RECQL5: variants seen among roughly 807,000 people sequenced by gnomAD.
RECQL5 encodes the protein RecQ like helicase 5, also known as ATP-dependent DNA helicase Q5.
Under a neutral mutation model 103.4 loss-of-function variants are expected in RECQL5, and 88 were observed. The ratio of observed to expected loss-of-function variants is 0.85; its 90% CI spans 0.72 to 1.02. The LOEUF (loss-of-function observed/expected upper bound fraction) is 1.02, where lower values mean the gene tolerates loss of function less well. RECQL5 is among the 50% of genes least tolerant of loss of function. RECQL5 has a pLI of 0.00. For synonymous variants in RECQL5, 552 were observed against 507.9 expected, an observed-to-expected ratio of 1.09 and a Z score of -1.17; for missense variants, 1,232 against 1,284.3, an observed-to-expected ratio of 0.96 and a Z score of 0.62.
In RECQL5 at chr17:75,662,957, C is replaced by T. The variant is rs146861903; in HGVS notation, c.293G>A (p.Ser98Asn). ...TGCAGAGAGCTTCGAGTTCAGGGAA[C>T]TTACTCGTACCTTTAGGGTTAGCAA... Reference protein sequence around the residue: ...DHLLTLKVRVSSLNSKLSAQE... With the variant: ...DHLLTLKVRVNSLNSKLSAQE... Residue 98 changes from serine (S) to asparagine (N), a missense_variant, in exon 4 of 20, where the codon AGT becomes AAT. By Grantham distance (46) the Ser-to-Asn change is conservative. Coordinates refer to ENST00000317905, the MANE Select transcript of RECQL5 (RefSeq NM_004259.7). 3.7e-6 allele frequency: 6 copies of T among 1,613,146 alleles called. No homozygotes were observed. The African/African-American group carries it at 4.0e-5, about 11-fold the overall frequency.
intron 15 of RECQL5, 30 bp from the exon 16 acceptor site, chr17:75,629,505 T>C (rs1211839639): frequency 6.7e-7 from 1 of 1,500,912 alleles, no homozygotes; most frequent in Non-Finnish European, 8.9e-7. Context: ...GAGAGGAGGT[T>C]CAGCCCACTA....
intron 8 of RECQL5, among the ~76,000 whole-genome samples, chr17:75,632,065 T>C (rs1598990319): frequency 1.3e-5 from 2 of 152,304 alleles, no homozygotes; most frequent in East Asian, 1.9e-4. Flanking sequence ...AGTAAGATGG[T>C]GCAGAAAGGC....
Position 75,630,615 on chromosome 17 carries a change from T to G in RECQL5, c.1718+4A>C. 6.2e-7 allele frequency: 1 copy of G among 1,613,392 alleles called. No individual in the cohort carries two copies. On this transcript the variant is annotated splice_donor_region_variant and intron_variant, in intron 13 of 19. Coordinates refer to ENST00000317905, the MANE Select transcript of RECQL5 (RefSeq NM_004259.7). ...CTCCTCAGCCCAGTGATCGTGGAAC[T>G]CACTCATCAGCGGTACGTGTTGACT...
Position 75,631,493 on chromosome 17 carries a change from C to T in RECQL5, c.1405G>A (p.Glu469Lys), listed in dbSNP as rs760152507. Residue 469 changes from glutamate (E) to lysine (K), a missense_variant, in exon 9 of 20, where the codon GAG becomes AAG. By Grantham distance (56) the Glu-to-Lys change is moderately conservative. Transcript: ENST00000317905. ...CCCTTGCGGCCTCCCTCATACAGCT[C>T]GGGGTCAAAGCCGTTCCCCTGGGAG... is the stretch of plus-strand genomic sequence containing the variant. ...GPSQGNGFDP[E>K]LYEGGRKGYG... The T allele has an allele frequency of 9.3e-6, 15 of 1,613,156 alleles. No individual in the cohort carries two copies. The highest frequency in any genetic ancestry group is 3.3e-5 in the Admixed American group (2 of 60,012).
chr17:75,657,848 G>A (rs1175386289), intron 7 of RECQL5, among the ~76,000 whole-genome samples: 2 of 151,250 alleles, frequency 1.3e-5, no homozygotes, highest in Admixed American at 1.3e-4. Context: ...ATGAGATCGA[G>A]ACCATCCTGG....
chr17:75,627,712 G>A lies in RECQL5; in HGVS notation c.2806-20C>T. 2.5e-6 allele frequency: 4 copies of A among 1,588,542 alleles called. No homozygotes were observed. The highest frequency in any genetic ancestry group is 2.6e-6 in the Non-Finnish European group (3 of 1,166,394). On this transcript the variant is annotated intron_variant, in intron 18 of 19. Transcript: ENST00000317905. ...CAACTCCTGGAAGGGAGAGGGAGAA[G>A]AGAAGCAGAGAGCAGGACCCTTGGT...
intron 8 of RECQL5, chr17:75,637,265 C>G (rs375342446): frequency 5.2e-5 from 8 of 152,512 alleles, no homozygotes; most frequent in East Asian, 3.9e-4. Flanking sequence ...TCCCTGCCCG[C>G]TCCCTCTTTG....
chr17:75,662,030 G>A (rs2059706356), intron 4 of RECQL5, among the ~76,000 whole-genome samples: 3 of 152,132 alleles, frequency 2.0e-5, no homozygotes, highest in Admixed American at 6.6e-5. Flanking sequence ...GAGTGGTGGC[G>A]CATGCCTGTA....
In RECQL5 at chr17:75,640,429, CG is replaced by C. The variant is rs888766711; in HGVS notation, c.1230-8762del. The C allele has an allele frequency of 1.4e-6, 2 of 1,437,542 alleles. No individual in the cohort carries two copies. The highest frequency in any genetic ancestry group is 1.8e-6 in the Non-Finnish European group (2 of 1,090,082). 89.0% of individuals were successfully genotyped at this position (1,437,542 alleles called of 1,614,324 possible). On this transcript the variant is annotated intron_variant, in intron 8 of 19. Transcript: ENST00000317905. The surrounding 1 kb of genome is among the most constrained non-coding windows in gnomAD (Gnocchi z 4.6). The stretch of plus-strand genomic sequence containing the variant: ...GCTGGCAGAGGTGGCGGGTGTCTGC[CG>C]GATCAAGGAGGAAAACCAGTTGTCC...
At position 75,667,062 on chromosome 17, in the gene RECQL5, G is replaced by A. The variant is rs1238147317; in HGVS notation, c.-33C>T. On this transcript the variant is annotated 5_prime_UTR_variant, in exon 1 of 20. Transcript: ENST00000317905. Reference sequence around the variant, plus strand: ...AAGATATCAGAACCGGCCGTGGTCCGCCCAAGAATTAAAGGCTGCTGGCTG... The same window carrying A: ...AAGATATCAGAACCGGCCGTGGTCCACCCAAGAATTAAAGGCTGCTGGCTG... 2 of 350,584 alleles carry A rather than the reference G, an allele frequency of 5.7e-6. No individual in the cohort carries two copies. Among genetic ancestry groups the A allele is most frequent in the East Asian group, 1.5e-4 (2 of 13,268 alleles). 21.7% of individuals were successfully genotyped at this position (350,584 alleles called of 1,614,324 possible).
chr17:75,661,760 G>T lies in RECQL5; in HGVS notation c.772-52C>A, dbSNP rs562531189. Reference sequence around the variant, plus strand: ...TAAGCATAGCAAGAACAGAACAATAGGCCCAGTGTAATGCACCCTGCTCTA... The same window carrying T: ...TAAGCATAGCAAGAACAGAACAATATGCCCAGTGTAATGCACCCTGCTCTA... On this transcript the variant is annotated intron_variant, in intron 4 of 19. Coordinates refer to ENST00000317905, the MANE Select transcript of RECQL5 (RefSeq NM_004259.7). 49 of 1,380,470 alleles carry T rather than the reference G, an allele frequency of 3.5e-5. No homozygotes were observed. The South Asian group carries it at 5.6e-4, about 16-fold the overall frequency. The allele number at this position is 1,380,470 out of a possible 1,614,324, so 85.5% of individuals were successfully genotyped here. A position where few individuals can be genotyped will look rare whatever the true frequency, so the allele number is the denominator to read the frequency against.
chr17:75,655,615 C>T (rs927579713), intron 7 of RECQL5, among the ~76,000 whole-genome samples: 19 of 151,460 alleles, frequency 1.3e-4, no homozygotes, highest in Admixed American at 9.2e-4. Context: ...CTGCCCACCT[C>T]GTCCTCCCAA....
chr17:75,646,695 G>C (rs1356241479), intron 8 of RECQL5: 1 of 152,390 alleles, frequency 6.6e-6, no homozygotes, highest in Non-Finnish European at 1.5e-5. Context: ...TCACCTGGCG[G>C]CCTCTTCAGC....
intron 8 of RECQL5, among the ~76,000 whole-genome samples, chr17:75,648,423 G>A (rs2059514008): frequency 6.6e-6 from 1 of 152,078 alleles, no homozygotes; most frequent in Non-Finnish European, 1.5e-5. Flanking sequence ...ACCCAGGCTA[G>A]AGTGCGGTGG....
intron 7 of RECQL5, among the ~76,000 whole-genome samples, chr17:75,653,766 T>C (rs551539508): frequency 1.3e-5 from 2 of 152,050 alleles, no homozygotes; most frequent in Admixed American, 6.5e-5. Context: ...GGCGTGGTGG[T>C]GGGCGCCTGT....
intron 8 of RECQL5, chr17:75,647,707 A>C (rs2059506248): frequency 3.8e-6 from 3 of 782,232 alleles, no homozygotes; most frequent in Non-Finnish European, 6.2e-6. Context: ...AAGTCTAGTA[A>C]AATACTGTAT....
chr17:75,666,592 A>T, intron 1 of RECQL5, 21 bp from the exon 2 acceptor site: 3 of 1,598,372 alleles, frequency 1.9e-6, no homozygotes, highest in Non-Finnish European at 1.7e-6. Context: ...GTTAAGGCAA[A>T]GGTAGTAAAA....
chr17:75,630,373 T>C, intron 13 of RECQL5, 96 bp from the exon 14 acceptor site: 1 of 1,153,172 alleles, frequency 8.7e-7, no homozygotes, highest in East Asian at 2.6e-5. Context: ...GGGTAGGCCT[T>C]GGGCACAGGG....
In RECQL5 at chr17:75,656,166, G is replaced by A. The variant is rs558221637; in HGVS notation, c.1149+2132C>T. The stretch of plus-strand genomic sequence containing the variant: ...CTCGGCTCACCACAACCTCCACCTC[G>A]TGGGTTCAAGTCATTCTCCTGCTTC... On this transcript the variant is annotated intron_variant, in intron 7 of 19. Transcript: ENST00000317905. Among the ~76,000 whole-genome samples the A allele has an allele frequency of 1.1e-3, 165 of 152,126 alleles. 3 individuals are homozygous for A. In the South Asian group the frequency reaches 0.013, roughly 12 times the overall value.
Sources: allele counts gnomAD v4.1 joint callset (sites outside exome capture counted in the v4.1 genomes callset), GRCh38; gene constraint gnomAD v4.1.1; non-coding constraint Gnocchi (gnomAD v3.1); transcripts MANE v1.5; gene names NCBI Gene and HGNC (gene_info 2026-07-23, HGNC 2026-07-21).